Variants in SLC27A2 observed in about 807,000 individuals in gnomAD.
SLC27A2 encodes solute carrier family 27 member 2.
A neutral mutation model predicts 60.0 loss-of-function variants in SLC27A2; 54 were observed. The observed-to-expected ratio is 0.90, with a 90% CI of 0.72 to 1.13. The LOEUF (loss-of-function observed/expected upper bound fraction) is 1.13, where lower values mean the gene tolerates loss of function less well. SLC27A2 is among the 50% of genes most tolerant of loss of function. The pLI is 0.00. For synonymous variants in SLC27A2, 297 were observed against 297.6 expected, an observed-to-expected ratio of 1.00 and a Z score of 0.02; for missense variants, 739 against 777.6, an observed-to-expected ratio of 0.95 and a Z score of 0.59.
Position 50,188,688 on chromosome 15 carries a change from G to A in SLC27A2, c.478+5783G>A, listed in dbSNP as rs1385795633. Among the ~76,000 whole-genome samples the A allele has an allele frequency of 5.3e-5, 8 of 152,170 alleles. No homozygotes were observed. The East Asian group carries it at 5.8e-4, about 11-fold the overall frequency. On this transcript the variant is annotated intron_variant, in intron 1 of 9. Coordinates refer to ENST00000267842, the MANE Select transcript of SLC27A2 (RefSeq NM_003645.4). ...AATAAGTGTCTGTTGGGCAGGGCAC[G>A]GTGGCTCATGCCTGTAATCCCAACA... is the stretch of plus-strand genomic sequence containing the variant.
intron 4 of SLC27A2, among the ~76,000 whole-genome samples, chr15:50,219,826 C>T (rs1254942936): frequency 6.6e-6 from 1 of 152,046 alleles, no homozygotes; most frequent in Non-Finnish European, 1.5e-5. Flanking sequence ...CTCATCAGTC[C>T]CCCAGGTGTG....
At position 50,205,284 on chromosome 15, in the gene SLC27A2, G is replaced by A. The variant is rs1486235469; in HGVS notation, c.893G>A (p.Trp298Ter). ...LRTKFSASQF[W>*]DDCRKYNVTV... ...ACTAAATTTTCAGCCAGCCAGTTTT[G>A]GGATGACTGCAGAAAATACAACGTC... The change falls in exon 4 of 10, where the codon TGG becomes TAG. Residue 298 changes from tryptophan to a stop codon, truncating the protein, a stop_gained. Transcript: ENST00000267842. LOFTEE classifies it high-confidence loss of function. The A allele has an allele frequency of 2.5e-6, 4 of 1,608,944 alleles. No individual in the cohort carries two copies. In the African/African-American group the frequency reaches 5.3e-5, roughly 22 times the overall value.
At chr15:50,199,477 TAA>T (rs60025067) in intron 2 of SLC27A2, among the ~76,000 whole-genome samples, 21 of 128,230 alleles carry the variant, frequency 1.6e-4, no homozygotes, top group Non-Finnish European at 2.0e-4. Flanking sequence ...GACTCTGTCT[TAA>T]AAAAAAAAAA....
intron 4 of SLC27A2, among the ~76,000 whole-genome samples, chr15:50,216,759 T>C (rs1223698344): frequency 1.4e-5 from 2 of 144,840 alleles, no homozygotes; most frequent in African/African-American, 2.5e-5. Context: ...ATGATATATA[T>C]ATATATTCCA....
chr15:50,185,621 CTTTTTT>C (rs531026687), intron 1 of SLC27A2, among the ~76,000 whole-genome samples: 8 of 95,774 alleles, frequency 8.4e-5, no homozygotes, highest in Admixed American at 3.3e-4. Context: ...AGGAAGCTTA[CTTTTTT>C]TTTTTTTTTT....
At chr15:50,212,206 G>C (rs958804964) in intron 4 of SLC27A2, among the ~76,000 whole-genome samples, 6 of 151,802 alleles carry the variant, frequency 4.0e-5, no homozygotes, top group African/African-American at 1.5e-4. Flanking sequence ...GAAATTCAGA[G>C]CTCGAAGTCA....
chr15:50,193,661 G>T (rs551914900), intron 1 of SLC27A2, among the ~76,000 whole-genome samples: 2 of 152,252 alleles, frequency 1.3e-5, no homozygotes, highest in African/African-American at 2.4e-5. Flanking sequence ...TTTCATTAAA[G>T]GTTTATCAAC....
intron 8 of SLC27A2, among the ~76,000 whole-genome samples, chr15:50,230,628 A>T (rs1459508128): frequency 6.6e-6 from 1 of 152,184 alleles, no homozygotes; most frequent in Non-Finnish European, 1.5e-5. Context: ...ATATGGCCAC[A>T]TCTTGATGTG....
chr15:50,185,557 T>C (rs549837488), intron 1 of SLC27A2, among the ~76,000 whole-genome samples: 14 of 150,390 alleles, frequency 9.3e-5, no homozygotes, highest in African/African-American at 2.9e-4. Flanking sequence ...GAATGTGTTA[T>C]ACTTTAAAAA....
Position 50,225,984 on chromosome 15 carries a change from C to G in SLC27A2, c.1168-4C>G, listed in dbSNP as rs768850945. ...TATACTCAAAATTATTTTAATCTTG[C>G]TAGAAAATCATAACTTATGACCTGA... On this transcript the variant is annotated splice_region_variant and splice_polypyrimidine_tract_variant and intron_variant, in intron 5 of 9. Transcript: ENST00000267842. The G allele has an allele frequency of 6.5e-6, 10 of 1,546,324 alleles. No individual in the cohort carries two copies. Among genetic ancestry groups the G allele is most frequent in the Middle Eastern group, 1.7e-4 (1 of 5,942 alleles).
At chr15:50,205,114 T>C in intron 3 of SLC27A2, 125 bp from the exon 4 acceptor site, 1 of 1,171,522 alleles carries the variant, frequency 8.5e-7, no homozygotes. Context: ...TATAAGGTAC[T>C]CAATACTTGT....
chr15:50,218,297 C>T (rs1941580706), intron 4 of SLC27A2, among the ~76,000 whole-genome samples: 2 of 151,792 alleles, frequency 1.3e-5, no homozygotes, highest in African/African-American at 4.8e-5. Flanking sequence ...AATTGATGGT[C>T]ATAAAGGGAG....
intron 4 of SLC27A2, among the ~76,000 whole-genome samples, chr15:50,219,110 T>C (rs1024505500): frequency 8.5e-5 from 13 of 152,250 alleles, no homozygotes; most frequent in African/African-American, 2.2e-4. Flanking sequence ...AATATTGGTT[T>C]AACCAAAAAT....
At chr15:50,213,656 A>G (rs1567433645) in intron 4 of SLC27A2, among the ~76,000 whole-genome samples, 1 of 152,152 alleles carries the variant, frequency 6.6e-6, no homozygotes, top group Non-Finnish European at 1.5e-5. Context: ...ACTCCAAAGG[A>G]ACCTTCAAAA....
In SLC27A2 at chr15:50,219,867, C is replaced by T. The variant is rs1233915847; in HGVS notation, c.973-3098C>T. Among the ~76,000 whole-genome samples the T allele has an allele frequency of 1.2e-4, 19 of 152,014 alleles. 1 individual carries two copies. Among genetic ancestry groups the T allele is most frequent in the Admixed American group, 1.2e-3 (19 of 15,254 alleles). ...ATGTTTCACCTTAGCTCTAATGTGA[C>T]GAAGAAGGTTTTTTTCTTGTTTAAA... On this transcript the variant is annotated intron_variant, in intron 4 of 9. Coordinates refer to ENST00000267842, the MANE Select transcript of SLC27A2 (RefSeq NM_003645.4).
intron 4 of SLC27A2, among the ~76,000 whole-genome samples, chr15:50,214,518 A>T (rs1238666105): frequency 2.0e-5 from 3 of 152,162 alleles, no homozygotes; most frequent in Admixed American, 6.5e-5. Context: ...ATAACCAAAA[A>T]AGAAAACTGC....
At chr15:50,192,466 A>G (rs1394398602) in intron 1 of SLC27A2, among the ~76,000 whole-genome samples, 1 of 152,248 alleles carries the variant, frequency 6.6e-6, no homozygotes, top group Non-Finnish European at 1.5e-5. Context: ...TTGGACTGTG[A>G]TCAAGCATGA....
chr15:50,222,792 T>G (rs1428815442), intron 4 of SLC27A2, among the ~76,000 whole-genome samples, 173 bp from the exon 5 acceptor site: 1 of 152,124 alleles, frequency 6.6e-6, no homozygotes, highest in East Asian at 1.9e-4. Context: ...GAACGATGTG[T>G]GTGGGTGGCA....
intron 1 of SLC27A2, among the ~76,000 whole-genome samples, chr15:50,191,679 T>C (rs1327418265): frequency 6.6e-6 from 1 of 152,192 alleles, no homozygotes; most frequent in African/African-American, 2.4e-5. Flanking sequence ...AATAGAATTA[T>C]AGGAGCTTAC....
Sources: allele counts gnomAD v4.1 joint callset (sites outside exome capture counted in the v4.1 genomes callset), GRCh38; gene constraint gnomAD v4.1.1; transcripts MANE v1.5; gene names NCBI Gene and HGNC (gene_info 2026-07-23, HGNC 2026-07-21).